AGO3: variants seen among roughly 807,000 people sequenced by gnomAD.
AGO3 encodes argonaute RISC catalytic component 3, also known as protein argonaute-3.
AGO3 carries 16 observed loss-of-function variants against 105.5 expected under a neutral mutation model. The observed-to-expected ratio is 0.15, with a 90% confidence interval of 0.10 to 0.23. The LOEUF is 0.23. AGO3 is among the 10% of genes least tolerant of loss of function. The pLI is 1.00. For missense variants in AGO3, 534 were observed against 1,088.0 expected (o/e 0.49, Z 7.16); for synonymous variants, 340 against 367.3 (o/e 0.93, Z 0.85).
intron 4 of AGO3, among the ~76,000 whole-genome samples, chr1:35,972,925 G>A (rs1646895034): frequency 1.5e-5 from 2 of 131,934 alleles, no homozygotes; most frequent in Non-Finnish European, 3.1e-5. Flanking sequence ...TCAAACTCCT[G>A]GACTCAAGTA....
At chr1:35,953,732 G>A (rs1241779816) in intron 2 of AGO3, among the ~76,000 whole-genome samples, 2 of 151,924 alleles carry the variant, frequency 1.3e-5, no homozygotes, top group African/African-American at 2.4e-5. Flanking sequence ...GGCTGGTCTC[G>A]AACCTCTGAC....
chr1:35,983,725 A>G (rs1354517508), intron 5 of AGO3, among the ~76,000 whole-genome samples: 1 of 152,220 alleles, frequency 6.6e-6, no homozygotes, highest in African/African-American at 2.4e-5. Flanking sequence ...ATACTCTCCA[A>G]TGTACATTCA....
At chr1:35,932,823 C>G (rs1646078154) in intron 1 of AGO3, among the ~76,000 whole-genome samples, 1 of 152,172 alleles carries the variant, frequency 6.6e-6, no homozygotes, top group Non-Finnish European at 1.5e-5. Flanking sequence ...TTGTACATAA[C>G]TGTCCTGTTG....
At chr1:36,034,070 A>T in intron 12 of AGO3, 104 bp from the exon 13 acceptor site, 1 of 1,192,506 alleles carries the variant, frequency 8.4e-7, no homozygotes, top group Non-Finnish European at 1.1e-6. Context: ...ATCCTGTAAT[A>T]CAATGATGGA....
intron 11 of AGO3, among the ~76,000 whole-genome samples, chr1:36,019,330 G>A (rs1452287003): frequency 6.6e-6 from 1 of 152,178 alleles, no homozygotes; most frequent in African/African-American, 2.4e-5. Flanking sequence ...TTTTCCCATG[G>A]AAGTGGATCT....
chr1:36,051,093 A>C (rs754480093), intron 17 of AGO3, among the ~76,000 whole-genome samples: 39 of 151,950 alleles, frequency 2.6e-4, no homozygotes, highest in Non-Finnish European at 5.1e-4. Context: ...GGGATTACAG[A>C]TGTTAGCCAC....
intron 17 of AGO3, among the ~76,000 whole-genome samples, chr1:36,054,290 T>C (rs1642840212): frequency 6.6e-6 from 1 of 152,174 alleles, no homozygotes; most frequent in Non-Finnish European, 1.5e-5. Flanking sequence ...ATTTATTTAT[T>C]GAGACAAAGT....
chr1:36,050,818 G>A (rs1056902181), intron 17 of AGO3, among the ~76,000 whole-genome samples: 2 of 149,514 alleles, frequency 1.3e-5, no homozygotes, highest in Admixed American at 6.7e-5. Context: ...AAAGATACTT[G>A]ATTTGATTTC....
intron 1 of AGO3, among the ~76,000 whole-genome samples, chr1:35,945,155 C>G (rs1290244676): frequency 6.6e-6 from 1 of 151,950 alleles, no homozygotes; most frequent in Non-Finnish European, 1.5e-5. Flanking sequence ...TGATTCTGTA[C>G]TTTCTTGATT....
intron 5 of AGO3, among the ~76,000 whole-genome samples, chr1:36,000,961 C>T (rs1450592585): frequency 2.6e-5 from 4 of 152,030 alleles, no homozygotes; most frequent in East Asian, 1.9e-4. Flanking sequence ...ATGGGCCAGG[C>T]GTGGTGGCTC....
chr1:35,982,584 TAAG>T (rs1647073090), intron 5 of AGO3: 2 of 715,076 alleles, frequency 2.8e-6, no homozygotes, highest in Non-Finnish European at 5.2e-6. Flanking sequence ...CAAAGGTTTT[TAAG>T]AAGGATAGTG....
rs1161838267 is a variant in AGO3 at position 36,069,879 on chromosome 1, A to T, written c.*14134A>T. The T allele has an allele frequency of 6.6e-6, 1 of 152,148 alleles. No homozygotes were observed. The highest frequency in any genetic ancestry group is 2.4e-5 in the African/African-American group (1 of 41,422). The allele number at this position is 152,148 out of a possible 1,614,324, so 9.4% of individuals were successfully genotyped here. On this transcript the variant is annotated 3_prime_UTR_variant, in exon 19 of 19. Coordinates refer to ENST00000373191, the MANE Select transcript of AGO3 (RefSeq NM_024852.4). ...CGAGACCAGCCTGGCCAACATGGCAAAACCCCGTCTCTACTAAAGATACAA... is the reference window on the plus strand; with the variant it reads ...CGAGACCAGCCTGGCCAACATGGCATAACCCCGTCTCTACTAAAGATACAA...
At chr1:35,965,612 T>A (rs563125692) in intron 2 of AGO3, among the ~76,000 whole-genome samples, 10 of 151,868 alleles carry the variant, frequency 6.6e-5, no homozygotes, top group Non-Finnish European at 1.5e-4. Context: ...AATAGGTGAA[T>A]CAAATTTTTG....
At chr1:35,955,195 A>G (rs956688555) in intron 2 of AGO3, among the ~76,000 whole-genome samples, 3 of 152,254 alleles carry the variant, frequency 2.0e-5, no homozygotes, top group East Asian at 1.9e-4. Context: ...ATTTAGGACC[A>G]TACTTGATGA....
rs371474182 is a variant in AGO3 at position 36,022,830 on chromosome 1, G to A, written c.1407-4284G>A. On this transcript the variant is annotated intron_variant, in intron 11 of 18. Transcript: ENST00000373191. ...ACCTGTAATCTCAGCTACTCGGGAG[G>A]CAGAGTCAGGAGAATTGCTGGAACC... 1.1e-4 allele frequency among the ~76,000 whole-genome samples: 17 copies of A among 151,696 alleles called. No homozygotes were observed. In the East Asian group the frequency reaches 1.6e-3, roughly 14 times the overall value.
rs755831226 is a variant in AGO3 at position 36,013,761 on chromosome 1, T to C, written c.1272+9T>C. On this transcript the variant is annotated intron_variant, in intron 10 of 18. Transcript: ENST00000373191. Reference sequence around the variant, plus strand: ...TCCAGTATGGAGGACGGGTAAAGTCTCTTGTTAATGTTTTAATCATACACA... The same window carrying C: ...TCCAGTATGGAGGACGGGTAAAGTCCCTTGTTAATGTTTTAATCATACACA... 1.2e-6 allele frequency: 2 copies of C among 1,612,524 alleles called. No individual in the cohort carries two copies. Among genetic ancestry groups the C allele is most frequent in the Non-Finnish European group, 1.7e-6 (2 of 1,178,958 alleles).
Position 35,968,981 on chromosome 1 carries a change from A to T in AGO3, c.312+1906A>T, listed in dbSNP as rs145527238. ...ATATCTCATTGTGGTTTTGATTTGC[A>T]TGTCCCCCAACAATTAGTGATGTTG... On this transcript the variant is annotated intron_variant, in intron 3 of 18. Coordinates refer to ENST00000373191, the MANE Select transcript of AGO3 (RefSeq NM_024852.4). Among the ~76,000 whole-genome samples, 27 of 151,912 alleles carry T rather than the reference A, an allele frequency of 1.8e-4. No individual in the cohort carries two copies. The East Asian group carries it at 5.2e-3, about 29-fold the overall frequency.
intron 1 of AGO3, among the ~76,000 whole-genome samples, chr1:35,936,566 C>T (rs553483689): frequency 6.6e-6 from 1 of 152,306 alleles, no homozygotes; most frequent in South Asian, 2.1e-4. Context: ...AGGTAGTCCA[C>T]TCACCTCGGC....
Position 36,013,715 on chromosome 1 carries a change from G to A in AGO3, c.1235G>A (p.Arg412His). Reference sequence around the variant, plus strand: ...GATGAAATGGCTCATGTAACTGGACGCGTACTTCCAGCACCTATGCTCCAG... The same window carrying A: ...GATGAAATGGCTCATGTAACTGGACACGTACTTCCAGCACCTATGCTCCAG... Reference protein sequence around the residue: ...VRDEMAHVTGRVLPAPMLQYG... With the variant: ...VRDEMAHVTGHVLPAPMLQYG... The change falls in exon 10 of 19, where the codon CGC (arginine) becomes CAC (histidine). Residue 412 changes from arginine (R) to histidine (H), a missense_variant. Transcript: ENST00000373191. 1.9e-6 allele frequency: 3 copies of A among 1,614,136 alleles called. No homozygotes were observed. Among genetic ancestry groups the A allele is most frequent in the Non-Finnish European group, 2.5e-6 (3 of 1,180,018 alleles).
Sources: gnomAD v4.1 joint callset for allele counts (sites outside exome capture counted in the v4.1 genomes callset) on GRCh38, gnomAD v4.1.1 for gene constraint, MANE v1.5 for transcripts, NCBI Gene and HGNC (gene_info 2026-07-23, HGNC 2026-07-21) for gene names.